Variants in TENM2 observed in about 807,000 individuals in gnomAD.
TENM2 encodes the protein teneurin transmembrane protein 2.
A neutral mutation model predicts 245.2 loss-of-function variants in TENM2; 52 were observed. The observed-to-expected ratio is 0.21, with a 90% CI of 0.17 to 0.27. TENM2 has a LOEUF of 0.27. Ranked by LOEUF, TENM2 falls within the 10% of genes least tolerant of loss-of-function variation. TENM2 has a pLI of 1.00. For synonymous variants in TENM2, 1,363 were observed against 1,438.9 expected (o/e 0.95, Z 1.19); for missense variants, 3,046 against 3,666.8 (o/e 0.83, Z 4.37).
intron 2 of TENM2, among the ~76,000 whole-genome samples, chr5:167,677,789 T>C (rs17068981): frequency 0.23 from 34,896 of 150,032 alleles, 4,471 homozygotes; most frequent in East Asian, 0.5. Context: ...ACCTATTTAT[T>C]AAAATACCAG....
intron 2 of TENM2, among the ~76,000 whole-genome samples, chr5:167,746,879 A>G (rs545020573): frequency 2.0e-4 from 31 of 152,284 alleles, no homozygotes; most frequent in Non-Finnish European, 3.4e-4. Flanking sequence ...CTGGAAGCTT[A>G]TAGACATTTT....
intron 3 of TENM2, among the ~76,000 whole-genome samples, chr5:167,901,423 C>T (rs75646644): frequency 9.8e-5 from 15 of 152,286 alleles, no homozygotes; most frequent in Non-Finnish European, 1.9e-4. Flanking sequence ...CCTAAGGACA[C>T]TTCTATCATA....
chr5:166,987,661 T>A, the TENM2 span, among the ~76,000 whole-genome samples: 1 of 152,164 alleles, frequency 6.6e-6, no homozygotes, highest in South Asian at 2.1e-4. Flanking sequence ...GGTTTCAGAG[T>A]ATGGACAAAT....
At chr5:168,029,436 C>T (rs1786912034) in intron 5 of TENM2, among the ~76,000 whole-genome samples, 2 of 152,158 alleles carry the variant, frequency 1.3e-5, no homozygotes, top group South Asian at 4.1e-4. Flanking sequence ...AGCCCAAACT[C>T]CCAAGTTTGG....
chr5:167,284,572 A>G (rs1202608481), upstream of TENM2, among the ~76,000 whole-genome samples: 1 of 152,218 alleles, frequency 6.6e-6, no homozygotes, highest in Non-Finnish European at 1.5e-5. Flanking sequence ...AACAGCAAGA[A>G]AATTAATTTA....
chr5:167,844,858 A>AAAAG (rs1329059949), intron 2 of TENM2, among the ~76,000 whole-genome samples: 10 of 151,524 alleles, frequency 6.6e-5, no homozygotes, highest in African/African-American at 2.2e-4. Flanking sequence ...AAAAAAAAAA[A>AAAAG]AAAATCCTTC....
the TENM2 span, among the ~76,000 whole-genome samples, chr5:167,002,317 A>C: frequency 6.6e-6 from 1 of 152,226 alleles, no homozygotes; most frequent in Admixed American, 6.5e-5. Flanking sequence ...TTACTAAAAT[A>C]GAAAGTTAAC....
chr5:167,112,254 T>C, the TENM2 span, among the ~76,000 whole-genome samples: 55 of 152,356 alleles, frequency 3.6e-4, no homozygotes, highest in Middle Eastern at 3.4e-3. Context: ...AATACCACCG[T>C]ATTTCTCCTT....
chr5:167,015,940 G>A, the TENM2 span, among the ~76,000 whole-genome samples: 86 of 152,096 alleles, frequency 5.7e-4, no homozygotes, highest in African/African-American at 2.0e-3. Flanking sequence ...CAGAAAGTGA[G>A]GAGAATTCCA....
intron 2 of TENM2, among the ~76,000 whole-genome samples, chr5:167,809,973 A>G (rs1318521654): frequency 6.6e-6 from 1 of 152,266 alleles, no homozygotes; most frequent in Non-Finnish European, 1.5e-5. Context: ...AAGGTAAGCA[A>G]TTTAGAGAAT....
the TENM2 span, among the ~76,000 whole-genome samples, chr5:167,071,082 G>A: frequency 2.6e-5 from 4 of 152,158 alleles, no homozygotes; most frequent in South Asian, 8.3e-4. Flanking sequence ...GTTAGTCGGC[G>A]GGAAGGCACG....
the TENM2 span, among the ~76,000 whole-genome samples, chr5:167,197,409 C>G: frequency 6.6e-6 from 1 of 152,030 alleles, no homozygotes. Context: ...TTTGCTCTAT[C>G]AACATTTGTT....
chr5:167,499,238 A>G (rs1421225198), intron 2 of TENM2, among the ~76,000 whole-genome samples: 1 of 152,076 alleles, frequency 6.6e-6, no homozygotes, highest in Non-Finnish European at 1.5e-5. Context: ...GACTTTTTCC[A>G]TGTACTGTAT....
At chr5:167,302,719 T>TG (rs1397676641) in intron 1 of TENM2, among the ~76,000 whole-genome samples, 1 of 148,482 alleles carries the variant, frequency 6.7e-6, no homozygotes, top group African/African-American at 2.5e-5. Context: ...GAGAAGGGGT[T>TG]GGGGGGTTCT....
At position 168,038,166 on chromosome 5, in the gene TENM2, T is replaced by C. The variant is rs560786873; in HGVS notation, c.1187-9261T>C. 2.6e-5 allele frequency among the ~76,000 whole-genome samples: 4 copies of C among 152,322 alleles called. No homozygotes were observed. The East Asian group carries it at 7.7e-4, about 29-fold the overall frequency. ...CACTCTGAGCCTCAATTTCTTCATC[T>C]GCAAGATGGGAAAGCATTATATATC... On this transcript the variant is annotated intron_variant, in intron 5 of 28. Transcript: ENST00000518659.
chr5:167,815,073 GAC>G (rs1766940727), intron 2 of TENM2, among the ~76,000 whole-genome samples: 4 of 152,176 alleles, frequency 2.6e-5, no homozygotes, highest in African/African-American at 7.2e-5. Flanking sequence ...CTGTGGCTCT[GAC>G]ACACAGTTCT....
At chr5:167,079,892 GT>G in the TENM2 span, among the ~76,000 whole-genome samples, 1 of 152,166 alleles carries the variant, frequency 6.6e-6, no homozygotes, top group Non-Finnish European at 1.5e-5. Flanking sequence ...ATGAAAAGAT[GT>G]TGTAATACAA....
intron 2 of TENM2, among the ~76,000 whole-genome samples, chr5:167,393,613 A>G (rs1030992642): frequency 6.6e-6 from 1 of 152,216 alleles, no homozygotes. Context: ...GTCAGGTCAT[A>G]GAGGGTGTCA....
intron 2 of TENM2, among the ~76,000 whole-genome samples, chr5:167,792,961 C>T (rs1298750830): frequency 1.3e-5 from 2 of 152,120 alleles, no homozygotes; most frequent in Non-Finnish European, 2.9e-5. Flanking sequence ...CTGCCACACA[C>T]GAAGTATGCC....
Sources: gnomAD v4.1 joint callset for allele counts (sites outside exome capture counted in the v4.1 genomes callset) on GRCh38, gnomAD v4.1.1 for gene constraint, MANE v1.5 for transcripts, NCBI Gene and HGNC (gene_info 2026-07-23, HGNC 2026-07-21) for gene names.